Variants in MTMR7 observed in about 807,000 individuals in gnomAD.
The protein encoded by MTMR7 is myotubularin related protein 7, also known as phosphatidylinositol-3-phosphate phosphatase MTMR7.
A neutral mutation model predicts 81.2 loss-of-function variants in MTMR7; 76 were observed. The ratio of observed to expected loss-of-function variants is 0.94; its 90% CI spans 0.78 to 1.13. The LOEUF (loss-of-function observed/expected upper bound fraction) is 1.13, where lower values mean the gene tolerates loss of function less well. MTMR7 is among the 50% of genes most tolerant of loss of function. MTMR7 has a pLI of 0.00. For missense variants in MTMR7, 1,044 were observed against 820.0 expected (o/e 1.27, Z -3.34); for synonymous variants, 372 against 289.8 (o/e 1.28, Z -2.88).
chr8:17,369,650 T>C lies in MTMR7; in HGVS notation c.310+1387A>G, dbSNP rs866232269. Among the ~76,000 whole-genome samples, 1,092 of 141,136 alleles carry C rather than the reference T, an allele frequency of 7.7e-3. 8 individuals are homozygous for C. Among genetic ancestry groups the C allele is most frequent in the African/African-American group, 0.026 (1,027 of 39,168 alleles). 92.6% of individuals were successfully genotyped at this position (141,136 alleles called of 152,430 possible). A position where few individuals can be genotyped will look rare whatever the true frequency, so the allele number is the denominator to read the frequency against. ...GTATATTTCTTTTTTTCTTTTTTTTTTTTTTTTTTTTTTGAAACAGAGTCT... is the reference window on the plus strand; with the variant it reads ...GTATATTTCTTTTTTTCTTTTTTTTCTTTTTTTTTTTTTGAAACAGAGTCT... On this transcript the variant is annotated intron_variant, in intron 3 of 13. Transcript: ENST00000180173.
At position 17,373,254 on chromosome 8, in the gene MTMR7, C is replaced by G. The variant is rs751759910; in HGVS notation, c.25-14G>C. 1.9e-6 allele frequency: 3 copies of G among 1,606,746 alleles called. No homozygotes were observed. In the South Asian group the frequency reaches 3.4e-5, roughly 18 times the overall value. ...GACATTTTCAACCTAGAGAAATCGG[C>G]ATGATGAAAAGAGTTACCGTAAAGC... On this transcript the variant is annotated splice_polypyrimidine_tract_variant and intron_variant, in intron 1 of 13. Coordinates refer to ENST00000180173, the MANE Select transcript of MTMR7 (RefSeq NM_004686.5).
rs138654439 is a variant in MTMR7, at chr8:17,376,471, T to C, written c.25-3231A>G. ...TATACTTAGGAGCAGAATTGCTGGG[T>C]CATTTGGTAAGTCATATAGTAAGGC... On this transcript the variant is annotated intron_variant, in intron 1 of 13. Coordinates refer to ENST00000180173, the MANE Select transcript of MTMR7 (RefSeq NM_004686.5). 9.8e-5 allele frequency among the ~76,000 whole-genome samples: 15 copies of C among 152,334 alleles called. No homozygotes were observed. The East Asian group carries it at 2.9e-3, about 29-fold the overall frequency.
intron 7 of MTMR7, among the ~76,000 whole-genome samples, chr8:17,324,619 C>G (rs1818577063): frequency 6.6e-6 from 1 of 152,250 alleles, no homozygotes; most frequent in African/African-American, 2.4e-5. Context: ...TGATCCATTT[C>G]CTTCTTCTAA....
intron 7 of MTMR7, among the ~76,000 whole-genome samples, chr8:17,317,134 G>A (rs977355411): frequency 2.0e-5 from 3 of 152,202 alleles, no homozygotes; most frequent in African/African-American, 7.2e-5. Flanking sequence ...TTATATGTGT[G>A]TGTGTTGTGG....
chr8:17,335,318 C>A (rs1011103497), intron 6 of MTMR7, among the ~76,000 whole-genome samples: 3 of 152,136 alleles, frequency 2.0e-5, no homozygotes, highest in African/African-American at 7.2e-5. Flanking sequence ...ACCGGCTGAG[C>A]AACTGCATAA....
At chr8:17,309,221 T>G (rs1332626013) in intron 10 of MTMR7, 56 bp downstream of exon 10, 22 of 1,179,912 alleles carry the variant, frequency 1.9e-5, no homozygotes, top group African/African-American at 9.3e-5. Flanking sequence ...CAATTGAAAT[T>G]TTCAGAAACA....
chr8:17,389,502 C>G (rs936623916), intron 1 of MTMR7, among the ~76,000 whole-genome samples: 1 of 152,178 alleles, frequency 6.6e-6, no homozygotes, highest in Non-Finnish European at 1.5e-5. Flanking sequence ...CCCTCGGTGG[C>G]AGGATCCTTG....
intron 10 of MTMR7, among the ~76,000 whole-genome samples, chr8:17,307,566 G>T (rs888814545): frequency 6.6e-6 from 1 of 152,080 alleles, no homozygotes; most frequent in African/African-American, 2.4e-5. Flanking sequence ...AAATCATGCT[G>T]CTATAAAGAC....
chr8:17,329,559 T>C (rs1818883993), intron 7 of MTMR7, among the ~76,000 whole-genome samples: 3 of 152,224 alleles, frequency 2.0e-5, no homozygotes, highest in Admixed American at 6.5e-5. Flanking sequence ...CAAATGTGTA[T>C]GCTATCAGCA....
At chr8:17,376,300 T>C (rs543608613) in intron 1 of MTMR7, among the ~76,000 whole-genome samples, 1 of 152,206 alleles carries the variant, frequency 6.6e-6, no homozygotes, top group Non-Finnish European at 1.5e-5. Context: ...TGATATACCA[T>C]TATAGGGACA....
At chr8:17,405,878 ACC>A (rs1246390129) in intron 1 of MTMR7, among the ~76,000 whole-genome samples, 8 of 45,772 alleles carry the variant, frequency 1.7e-4, no homozygotes, top group Middle Eastern at 0.014. Flanking sequence ...ACACACACAC[ACC>A]ACAGAGAAAA....
chr8:17,390,750 GGA>G (rs1201832463), intron 1 of MTMR7, among the ~76,000 whole-genome samples: 1 of 152,172 alleles, frequency 6.6e-6, no homozygotes, highest in African/African-American at 2.4e-5. Context: ...CAAGGGAGCA[GGA>G]GAGAGAAGTA....
At position 17,309,102 on chromosome 8, in the gene MTMR7, G is replaced by A. The variant is rs142887822; in HGVS notation, c.1151+175C>T. 8.6e-4 allele frequency among the ~76,000 whole-genome samples: 131 copies of A among 152,186 alleles called. 2 individuals carry two copies. Among genetic ancestry groups the A allele is most frequent in the African/African-American group, 3.1e-3 (130 of 41,508 alleles). ...AGTTCTGCCCAACTGTTACCAAAAG[G>A]AATCAGTTATAACTTCATTTATCTA... On this transcript the variant is annotated intron_variant, in intron 10 of 13. Transcript: ENST00000180173.
intron 6 of MTMR7, among the ~76,000 whole-genome samples, chr8:17,334,770 C>T (rs1382734551): frequency 1.3e-5 from 2 of 152,192 alleles, no homozygotes; most frequent in South Asian, 2.1e-4. Context: ...TGGGCAAGAG[C>T]TGAGCAACGG....
intron 7 of MTMR7, among the ~76,000 whole-genome samples, chr8:17,328,400 G>C (rs1330176804): frequency 6.6e-6 from 1 of 152,094 alleles, no homozygotes; most frequent in African/African-American, 2.4e-5. Context: ...ACTATTCCAG[G>C]CTCTTCTACG....
chr8:17,308,192 C>G (rs1185623235), intron 10 of MTMR7, among the ~76,000 whole-genome samples: 1 of 152,006 alleles, frequency 6.6e-6, no homozygotes, highest in East Asian at 1.9e-4. Flanking sequence ...AAAAGGTTGC[C>G]TAATATTAAC....
rs1816750208 is a variant in MTMR7 at position 17,297,399 on chromosome 8, T to G, written c.*2463A>C. 6.6e-6 allele frequency: 1 copy of G among 152,096 alleles called. No homozygotes were observed. Among genetic ancestry groups the G allele is most frequent in the South Asian group, 2.1e-4 (1 of 4,832 alleles). The allele number at this position is 152,096 out of a possible 1,614,324, so 9.4% of individuals were successfully genotyped here. ...TGCTTGACACATATATATGCTTAAA[T>G]TGAAGGACAGCTCAGATTCATTTTT... On this transcript the variant is annotated 3_prime_UTR_variant, in exon 14 of 14. Transcript: ENST00000180173.
chr8:17,354,207 T>C (rs1386063760), intron 4 of MTMR7, among the ~76,000 whole-genome samples: 1 of 152,314 alleles, frequency 6.6e-6, no homozygotes, highest in East Asian at 1.9e-4. Flanking sequence ...AAGGAATTTA[T>C]GATGAACAGG....
At chr8:17,311,666 C>T (rs764940416) in intron 8 of MTMR7, 30 bp from the exon 9 acceptor site, 1 of 1,613,598 alleles carries the variant, frequency 6.2e-7, no homozygotes, top group Non-Finnish European at 8.5e-7. Flanking sequence ...CAAAGAGTCA[C>T]AAAGAATGGC....
Sources: gnomAD v4.1 joint callset for allele counts (sites outside exome capture counted in the v4.1 genomes callset) on GRCh38, gnomAD v4.1.1 for gene constraint, MANE v1.5 for transcripts, NCBI Gene and HGNC (gene_info 2026-07-23, HGNC 2026-07-21) for gene names.